STAG1: variants seen among roughly 807,000 people sequenced by gnomAD.
STAG1 encodes cohesin subunit SA-1.
Under a neutral mutation model 170.9 loss-of-function variants are expected in STAG1, and 26 were observed. The ratio of observed to expected loss-of-function variants is 0.15; its 90% CI spans 0.11 to 0.21. The LOEUF is 0.21. STAG1 is among the 10% of genes least tolerant of loss of function. The probability of loss-of-function intolerance (pLI) is 1.00; values close to 1 mark genes in which losing one functional copy is unlikely to be tolerated. For synonymous variants in STAG1, 514 were observed against 497.7 expected, an observed-to-expected ratio of 1.03 and a Z score of -0.44; for missense variants, 964 against 1,509.5, an observed-to-expected ratio of 0.64 and a Z score of 5.99.
intron 21 of STAG1, among the ~76,000 whole-genome samples, chr3:136,412,605 A>C (rs150571725): frequency 1.4e-3 from 209 of 152,330 alleles, no homozygotes; most frequent in South Asian, 6.0e-3. Context: ...ATTGAGGACA[A>C]AATATCATTT....
intron 4 of STAG1, among the ~76,000 whole-genome samples, chr3:136,577,588 T>C (rs146990246): frequency 6.6e-6 from 1 of 152,190 alleles, no homozygotes; most frequent in East Asian, 1.9e-4. Flanking sequence ...AGCCCTCTGA[T>C]AACTTTACAT....
chr3:136,388,947 T>C (rs1560078911), intron 22 of STAG1, among the ~76,000 whole-genome samples: 1 of 152,164 alleles, frequency 6.6e-6, no homozygotes, highest in Non-Finnish European at 1.5e-5. Flanking sequence ...TGTCTAAATA[T>C]TCTTTTTTTA....
chr3:136,358,941 C>T (rs1372474493), intron 27 of STAG1, among the ~76,000 whole-genome samples: 2 of 152,114 alleles, frequency 1.3e-5, no homozygotes, highest in South Asian at 2.1e-4. Context: ...TTAAATTTTG[C>T]TTTCCATACT....
At chr3:136,526,003 G>A (rs1354324915) in intron 6 of STAG1, among the ~76,000 whole-genome samples, 1 of 152,178 alleles carries the variant, frequency 6.6e-6, no homozygotes, top group Non-Finnish European at 1.5e-5. Flanking sequence ...GCTGAGGAGT[G>A]CTTTACTTCC....
intron 1 of STAG1, among the ~76,000 whole-genome samples, chr3:136,631,254 T>C (rs1487471567): frequency 1.3e-5 from 2 of 152,234 alleles, no homozygotes; most frequent in Non-Finnish European, 2.9e-5. Flanking sequence ...CTTGAGAGCC[T>C]TGAAAAGGCA....
chr3:136,359,110 A>G lies in STAG1; in HGVS notation c.2936+38T>C, dbSNP rs982198761. On this transcript the variant is annotated intron_variant, in intron 27 of 33. Coordinates refer to ENST00000383202, the MANE Select transcript of STAG1 (RefSeq NM_005862.3). The stretch of plus-strand genomic sequence containing the variant: ...GAGTTATTTCATTAAAATTCAAGTA[A>G]ATCAGATTCTGCATAACAAAGTGTT... The G allele has an allele frequency of 2.6e-6, 4 of 1,520,500 alleles. No homozygotes were observed. The Admixed American group carries it at 7.9e-5, about 30-fold the overall frequency. 94.2% of individuals were successfully genotyped at this position (1,520,500 alleles called of 1,614,324 possible).
At chr3:136,539,841 T>C (rs1935804522) in intron 6 of STAG1, among the ~76,000 whole-genome samples, 1 of 152,216 alleles carries the variant, frequency 6.6e-6, no homozygotes. Flanking sequence ...CAAAGTGTAC[T>C]TCTCAGGCAA....
chr3:136,342,443 C>T (rs765935852), intron 30 of STAG1, among the ~76,000 whole-genome samples: 20 of 151,810 alleles, frequency 1.3e-4, no homozygotes, highest in Middle Eastern at 3.2e-3. Flanking sequence ...CTCAGCCTTC[C>T]GAGTAGCTGG....
At chr3:136,425,979 T>C (rs1335412102) in intron 16 of STAG1, among the ~76,000 whole-genome samples, 1 of 151,452 alleles carries the variant, frequency 6.6e-6, no homozygotes, top group Non-Finnish European at 1.5e-5. Flanking sequence ...TTTTTTTTTC[T>C]ATGGCATTTT....
chr3:136,709,708 C>G (rs1943332293), intron 1 of STAG1, among the ~76,000 whole-genome samples: 1 of 151,644 alleles, frequency 6.6e-6, no homozygotes, highest in Admixed American at 6.6e-5. Context: ...TCATTCCAGC[C>G]TGGGCAACAG....
intron 28 of STAG1, among the ~76,000 whole-genome samples, chr3:136,353,367 C>T (rs985777611): frequency 6.6e-6 from 1 of 152,140 alleles, no homozygotes; most frequent in Non-Finnish European, 1.5e-5. Context: ...GTTCAATGAA[C>T]TTCAAACAGG....
At chr3:136,696,787 T>A (rs1942907711) in intron 1 of STAG1, among the ~76,000 whole-genome samples, 2 of 152,108 alleles carry the variant, frequency 1.3e-5, no homozygotes, top group South Asian at 2.1e-4. Context: ...AGGTTACATA[T>A]CAAATGATTC....
At chr3:136,363,325 G>C in intron 26 of STAG1, 41 bp downstream of exon 26, 2 of 1,050,164 alleles carry the variant, frequency 1.9e-6, no homozygotes, top group Non-Finnish European at 1.5e-6. Context: ...GTGCAATAAT[G>C]TTATTTCCAT....
At chr3:136,470,439 C>T (rs1408921662) in intron 12 of STAG1, among the ~76,000 whole-genome samples, 1 of 152,112 alleles carries the variant, frequency 6.6e-6, no homozygotes, top group Admixed American at 6.5e-5. Flanking sequence ...CAATGAGATA[C>T]CATCTCACAC....
chr3:136,557,662 C>A (rs1445821413), intron 5 of STAG1, among the ~76,000 whole-genome samples: 1 of 152,176 alleles, frequency 6.6e-6, no homozygotes, highest in South Asian at 2.1e-4. Context: ...CCTGCCTCAG[C>A]CTCCTGAGTA....
intron 1 of STAG1, among the ~76,000 whole-genome samples, chr3:136,675,824 G>T (rs1313670939): frequency 6.6e-6 from 1 of 152,156 alleles, no homozygotes; most frequent in Non-Finnish European, 1.5e-5. Context: ...TATGTTGCTT[G>T]ACTGTATTTC....
At chr3:136,370,713 G>C (rs1261622803) in intron 23 of STAG1, among the ~76,000 whole-genome samples, 1 of 152,186 alleles carries the variant, frequency 6.6e-6, no homozygotes, top group African/African-American at 2.4e-5. Flanking sequence ...TGGCTGCATA[G>C]TATTCCATGG....
intron 5 of STAG1, among the ~76,000 whole-genome samples, chr3:136,551,222 AGAGAG>A (rs1559874321): frequency 1.6e-5 from 2 of 121,316 alleles, no homozygotes; most frequent in African/African-American, 6.1e-5. Context: ...AGAGAGAGAG[AGAGAG>A]AGAGAGAGAG....
At position 136,343,890 on chromosome 3, in the gene STAG1, C is replaced by T. The variant is rs1393243592; in HGVS notation, c.3388G>A (p.Gly1130Arg). Residue 1130 changes from glycine to arginine, a missense_variant, in exon 30 of 34, where the codon GGA (glycine) becomes AGA (arginine). Around this residue, in one of 11 missense-constraint regions of STAG1, gnomAD observed 122 missense variants for 129.0 expected, o/e 0.95. Coordinates refer to ENST00000383202, the MANE Select transcript of STAG1 (RefSeq NM_005862.3). ...TVLRENSRPM[G>R]DQIQEPESEH... The stretch of plus-strand genomic sequence containing the variant: ...GACTCAGGTTCTTGAATCTGGTCTC[C>T]CATGGGCCGACTGTTCTCCCGCAGT... 3.7e-6 allele frequency: 6 copies of T among 1,608,450 alleles called. No homozygotes were observed. Among genetic ancestry groups the T allele is most frequent in the South Asian group, 2.2e-5 (2 of 90,156 alleles).
Sources: allele counts gnomAD v4.1 joint callset (sites outside exome capture counted in the v4.1 genomes callset), GRCh38; gene constraint gnomAD v4.1.1; regional missense constraint gnomAD v4.1.1; transcripts MANE v1.5; gene names NCBI Gene and HGNC (gene_info 2026-07-23, HGNC 2026-07-21).